The following KCNIP4 variants were observed in gnomAD, a reference collection of about 807,000 sequenced individuals.
KCNIP4 encodes the protein Kv channel-interacting protein 4.
In KCNIP4, 12 loss-of-function variants were observed where a neutral mutation model predicts 34.0. The ratio of observed to expected loss-of-function variants is 0.35; its 90% CI spans 0.23 to 0.57. KCNIP4 has a LOEUF of 0.57. KCNIP4 is among the 20% of genes least tolerant of loss of function. The probability of loss-of-function intolerance (pLI) is 0.83; values close to 1 mark genes in which losing one functional copy is unlikely to be tolerated. For synonymous variants in KCNIP4, 124 were observed against 102.2 expected (o/e 1.21, Z -1.29); for missense variants, 238 against 311.7 (o/e 0.76, Z 1.78).
chr4:21,471,112 G>A (rs74361330), intron 1 of KCNIP4, among the ~76,000 whole-genome samples: 2,266 of 152,188 alleles, frequency 0.015, 61 homozygotes, highest in African/African-American at 0.052. Flanking sequence ...AGATTGTGGT[G>A]CATGCTTAAA....
At chr4:20,978,181 A>G (rs1735671655) in intron 1 of KCNIP4, among the ~76,000 whole-genome samples, 1 of 152,222 alleles carries the variant, frequency 6.6e-6, no homozygotes, top group African/African-American at 2.4e-5. Flanking sequence ...TCTAACAAAC[A>G]TATGTGTTTG....
At chr4:21,687,225 C>T (rs1330982005) in intron 1 of KCNIP4, among the ~76,000 whole-genome samples, 3 of 144,588 alleles carry the variant, frequency 2.1e-5, no homozygotes, top group East Asian at 2.1e-4. Context: ...TGCTAGATGA[C>T]GCGTTAGTGG....
intron 1 of KCNIP4, among the ~76,000 whole-genome samples, chr4:21,527,479 T>C (rs1381132248): frequency 6.6e-6 from 1 of 152,200 alleles, no homozygotes; most frequent in Admixed American, 6.5e-5. Flanking sequence ...GTTCAAATTC[T>C]GGTCCTGACA....
At chr4:21,705,551 T>C (rs1713199603) in intron 1 of KCNIP4, among the ~76,000 whole-genome samples, 2 of 152,072 alleles carry the variant, frequency 1.3e-5, no homozygotes, top group Admixed American at 6.6e-5. Flanking sequence ...ATAGACAAAA[T>C]TGGTGTCTCA....
At chr4:21,869,727 G>GAGATAGATAGAT (rs71193417) in intron 1 of KCNIP4, among the ~76,000 whole-genome samples, 1 of 143,494 alleles carries the variant, frequency 7.0e-6, no homozygotes, top group Admixed American at 7.1e-5. Context: ...GAGAGATAAG[G>GAGATAGATAGAT]AGATAGATAG....
chr4:20,984,729 C>T (rs1017221177), intron 1 of KCNIP4, among the ~76,000 whole-genome samples: 24 of 152,250 alleles, frequency 1.6e-4, no homozygotes, highest in African/African-American at 5.5e-4. Flanking sequence ...GAGGGCGTGG[C>T]GGAGCAGTAC....
At chr4:21,528,829 AAGGAAGGAAGG>A (rs1736390934) in intron 1 of KCNIP4, among the ~76,000 whole-genome samples, 1 of 133,186 alleles carries the variant, frequency 7.5e-6, no homozygotes, top group Non-Finnish European at 1.7e-5. Context: ...GGAAGGAAGG[AAGGAAGGAAGG>A]AAGGAAGGAA....
intron 1 of KCNIP4, among the ~76,000 whole-genome samples, chr4:21,785,770 T>A (rs1263943940): frequency 6.6e-6 from 1 of 152,196 alleles, no homozygotes; most frequent in Non-Finnish European, 1.5e-5. Context: ...TTAGCACACA[T>A]TTCATAACAG....
chr4:21,740,908 C>T (rs1716355417), intron 1 of KCNIP4, among the ~76,000 whole-genome samples: 1 of 151,950 alleles, frequency 6.6e-6, no homozygotes, highest in Admixed American at 6.6e-5. Flanking sequence ...ATTACATTGC[C>T]CTAAAGCAAA....
intron 1 of KCNIP4, among the ~76,000 whole-genome samples, chr4:21,616,540 C>T (rs1285709239): frequency 5.9e-5 from 9 of 152,148 alleles, no homozygotes; most frequent in Non-Finnish European, 1.3e-4. Flanking sequence ...CAGAGATTTA[C>T]TTTCTCTTCA....
intron 1 of KCNIP4, among the ~76,000 whole-genome samples, chr4:21,402,554 T>C (rs1453089693): frequency 1.3e-5 from 2 of 152,188 alleles, no homozygotes; most frequent in East Asian, 3.9e-4. Flanking sequence ...ACAATGGTAG[T>C]TGTATTCATA....
chr4:21,715,823 T>C (rs1714333626), intron 1 of KCNIP4, among the ~76,000 whole-genome samples: 1 of 152,248 alleles, frequency 6.6e-6, no homozygotes, highest in Admixed American at 6.5e-5. Flanking sequence ...AAATCTCTAC[T>C]GTTTCCATGA....
Position 21,387,355 on chromosome 4 carries a change from A to C in KCNIP4, c.62-504646T>G, listed in dbSNP as rs186327763. Among the ~76,000 whole-genome samples, 434 of 152,294 alleles carry C rather than the reference A, an allele frequency of 2.8e-3. 3 individuals are homozygous for C. Among genetic ancestry groups the C allele is most frequent in the Non-Finnish European group, 2.7e-3 (181 of 68,028 alleles). On this transcript the variant is annotated intron_variant, in intron 1 of 8. Transcript: ENST00000382152. ...GGTTCAATAAGAAAAGTTTCTAAGCAACGTTTAATTATATTTTACACCAGA... is the reference window on the plus strand; with the variant it reads ...GGTTCAATAAGAAAAGTTTCTAAGCCACGTTTAATTATATTTTACACCAGA...
intron 1 of KCNIP4, among the ~76,000 whole-genome samples, chr4:21,018,937 A>T (rs1005244823): frequency 6.6e-6 from 1 of 152,154 alleles, no homozygotes; most frequent in African/African-American, 2.4e-5. Context: ...GTATTAGTTT[A>T]CTAGGGTTGC....
chr4:21,129,611 T>C (rs928285121), intron 1 of KCNIP4, among the ~76,000 whole-genome samples: 1 of 152,340 alleles, frequency 6.6e-6, no homozygotes, highest in East Asian at 1.9e-4. Context: ...GGCTTACATA[T>C]AGTAGCTGTT....
intron 1 of KCNIP4, among the ~76,000 whole-genome samples, chr4:21,512,188 C>T (rs202096461): frequency 2.2e-5 from 3 of 139,364 alleles, no homozygotes; most frequent in Non-Finnish European, 3.0e-5. Context: ...AAGGAACGAA[C>T]GAAGGAACGA....
chr4:20,746,264 T>C (rs931442365), intron 5 of KCNIP4, among the ~76,000 whole-genome samples: 2 of 151,878 alleles, frequency 1.3e-5, no homozygotes, highest in African/African-American at 4.8e-5. Context: ...CAGCAAACTA[T>C]CATGAGAACA....
chr4:21,797,134 C>T (rs964696646), intron 1 of KCNIP4, among the ~76,000 whole-genome samples: 1 of 152,128 alleles, frequency 6.6e-6, no homozygotes, highest in Non-Finnish European at 1.5e-5. Flanking sequence ...TGCCTGTCTG[C>T]CTCATTAATT....
rs76595591 is a variant in KCNIP4, at chr4:21,273,458, G to C, written c.62-390749C>G. 3.5e-3 allele frequency among the ~76,000 whole-genome samples: 536 copies of C among 152,234 alleles called. 2 individuals are homozygous for C. Among genetic ancestry groups the C allele is most frequent in the South Asian group, 0.025 (121 of 4,822 alleles). On this transcript the variant is annotated intron_variant, in intron 1 of 8. Coordinates refer to ENST00000382152, the MANE Select transcript of KCNIP4 (RefSeq NM_025221.6). ...TACATTCAAGTAGGCACTCAAGCCA[G>C]GATCTGAGAGTCATCTTTTAACAGT...
Sources: gnomAD v4.1 joint callset for allele counts (sites outside exome capture counted in the v4.1 genomes callset) on GRCh38, gnomAD v4.1.1 for gene constraint, MANE v1.5 for transcripts, NCBI Gene and HGNC (gene_info 2026-07-23, HGNC 2026-07-21) for gene names.